The following NOS1 variants were observed in gnomAD, a reference collection of about 807,000 sequenced individuals.
NOS1 encodes nitric oxide synthase 1.
In NOS1, 51 loss-of-function variants were observed where a neutral mutation model predicts 164.5. That is an observed-to-expected ratio of 0.31 (90% CI 0.25 to 0.39). The LOEUF (loss-of-function observed/expected upper bound fraction) is 0.39. NOS1 is among the 10% of genes least tolerant of loss of function. The pLI is 1.00. For synonymous variants in NOS1, 719 were observed against 745.8 expected (o/e 0.96, Z 0.59); for missense variants, 1,362 against 1,885.6 (o/e 0.72, Z 5.14).
chr12:117,283,514 G>A (rs1252193255), intron 7 of NOS1, among the ~76,000 whole-genome samples: 1 of 152,276 alleles, frequency 6.6e-6, no homozygotes, highest in Non-Finnish European at 1.5e-5. Context: ...GTGCACTGCT[G>A]GGACTGGGGT....
At chr12:117,242,543 C>T (rs766134677) in intron 20 of NOS1, 84 bp downstream of exon 20, 29 of 1,106,962 alleles carry the variant, frequency 2.6e-5, no homozygotes, top group Non-Finnish European at 3.3e-5. Context: ...ACAGCCAGTC[C>T]TTGGAGTCCA....
chr12:117,252,360 A>C (rs565320075), intron 17 of NOS1, among the ~76,000 whole-genome samples: 59 of 152,296 alleles, frequency 3.9e-4, no homozygotes, highest in Non-Finnish European at 8.8e-5. Flanking sequence ...GGTTGTAAAA[A>C]ATATGCAGTG....
chr12:117,301,312 G>A lies in NOS1; in HGVS notation c.852+10154C>T, dbSNP rs1375889601. ...CTGGCTAATATTTTTTGTATTTTTA[G>A]TAGAAACGGTTTCACCATGTTGGCC... On this transcript the variant is annotated intron_variant, in intron 3 of 28. Transcript: ENST00000317775. Among the ~76,000 whole-genome samples, 5 of 147,214 alleles carry A rather than the reference G, an allele frequency of 3.4e-5. No individual in the cohort carries two copies. The Admixed American group carries it at 3.5e-4, about 10-fold the overall frequency.
intron 24 of NOS1, 74 bp downstream of exon 24, chr12:117,226,609 T>C (rs1003294122): frequency 7.4e-7 from 1 of 1,354,698 alleles, no homozygotes; most frequent in African/African-American, 1.4e-5. Flanking sequence ...TTCAGACTGG[T>C]CCACCTACCC....
At chr12:117,250,226 TG>T (rs1249131506) in intron 17 of NOS1, among the ~76,000 whole-genome samples, 1 of 152,198 alleles carries the variant, frequency 6.6e-6, no homozygotes, top group African/African-American at 2.4e-5. Context: ...ACACTCATAT[TG>T]TAACATTTCA....
rs376014944 is a variant in NOS1, at chr12:117,234,743, G to T, written c.3057C>A (p.Phe1019Leu). The T allele has an allele frequency of 1.2e-6, 2 of 1,611,210 alleles. No individual in the cohort carries two copies. Among genetic ancestry groups the T allele is most frequent in the Non-Finnish European group, 1.7e-6 (2 of 1,177,832 alleles). The change falls in exon 21 of 29, where the codon TTC (phenylalanine) becomes TTA (leucine). Residue 1019 changes from phenylalanine (F) to leucine (L), a missense_variant. Around this residue, in one of 4 missense-constraint regions of NOS1, gnomAD observed 737 missense variants for 1,030.3 expected, o/e 0.72. Coordinates refer to ENST00000317775, the MANE Select transcript of NOS1 (RefSeq NM_000620.5). The surrounding 1 kb of genome is among the most constrained non-coding windows in gnomAD (Gnocchi z 4.3). ...QSPKSSRSTI[F>L]VRLHTNGSQE... ...GGCTCCCGTTGGTGTGGAGACGCAC[G>T]AAGATAGTTGACCGACTGCAGGAAA...
At chr12:117,287,255 T>C (rs145978941) in intron 5 of NOS1, among the ~76,000 whole-genome samples, 1 of 152,298 alleles carries the variant, frequency 6.6e-6, no homozygotes, top group East Asian at 1.9e-4. Flanking sequence ...AATGGTGCTA[T>C]ACTGGATGTA....
chr12:117,284,026 C>G (rs565275805), intron 7 of NOS1, among the ~76,000 whole-genome samples: 1 of 152,258 alleles, frequency 6.6e-6, no homozygotes, highest in Non-Finnish European at 1.5e-5. Context: ...ACCAATTCCT[C>G]ATGCAGGCCC....
chr12:117,240,753 G>A (rs1470174259), intron 20 of NOS1, among the ~76,000 whole-genome samples: 1 of 152,164 alleles, frequency 6.6e-6, no homozygotes, highest in Non-Finnish European at 1.5e-5. Flanking sequence ...CCATTCTGTA[G>A]GTAAGGAGAC....
Position 117,211,217 on chromosome 12 carries a change from C to T in NOS1, c.*4092G>A, listed in dbSNP as rs890634655. 2 of 982,972 alleles carry T rather than the reference C, an allele frequency of 2.0e-6. No individual in the cohort carries two copies. Among genetic ancestry groups the T allele is most frequent in the Non-Finnish European group, 2.4e-6 (2 of 827,804 alleles). 60.9% of individuals were successfully genotyped at this position (982,972 alleles called of 1,614,324 possible). A position where few individuals can be genotyped will look rare whatever the true frequency, so the allele number is the denominator to read the frequency against. On this transcript the variant is annotated 3_prime_UTR_variant, in exon 29 of 29. Transcript: ENST00000317775. ...AACTGATACACCCACCTCGGCCTCC[C>T]AAAGTGCTGGGATTACAGACATGAG...
intron 3 of NOS1, among the ~76,000 whole-genome samples, chr12:117,301,373 C>A (rs973032027): frequency 2.6e-5 from 4 of 152,190 alleles, no homozygotes; most frequent in African/African-American, 7.2e-5. Flanking sequence ...AAGTGTTCCA[C>A]CTGCCTCTGC....
intron 17 of NOS1, among the ~76,000 whole-genome samples, chr12:117,247,944 T>TAAAA (rs534303027): frequency 6.4e-4 from 76 of 118,170 alleles, no homozygotes; most frequent in African/African-American, 2.1e-3. Flanking sequence ...AGACTCCGTC[T>TAAAA]AAAAAAAAAA....
chr12:117,280,594 C>CA, intron 8 of NOS1, 131 bp downstream of exon 8: 1 of 917,356 alleles, frequency 1.1e-6, no homozygotes, highest in Admixed American at 2.4e-5. Context: ...GATGGAGAAG[C>CA]AGGTTTGGAG....
chr12:117,268,261 C>T (rs34287548), intron 10 of NOS1, 117 bp from the exon 11 acceptor site: 84,811 of 703,200 alleles, frequency 0.12, 6,272 homozygotes, highest in African/African-American at 0.28. Context: ...AATGGACTCT[C>T]GCTCTGTCGC....
At chr12:117,307,244 G>A (rs1336302319) in intron 3 of NOS1, among the ~76,000 whole-genome samples, 2 of 152,156 alleles carry the variant, frequency 1.3e-5, no homozygotes, top group Admixed American at 6.5e-5. Flanking sequence ...GGTGGTAGGG[G>A]GTAAGCTAAA....
chr12:117,243,905 C>T lies in NOS1; in HGVS notation c.2824-470G>A, dbSNP rs1382591871. Among the ~76,000 whole-genome samples the T allele has an allele frequency of 1.3e-5, 2 of 152,148 alleles. No individual in the cohort carries two copies. Among genetic ancestry groups the T allele is most frequent in the African/African-American group, 4.8e-5 (2 of 41,444 alleles). ...CCATCTATCTTTCCATGCAGGCATG[C>T]ATCCATCCATTCATCTATCCATCCA... is the stretch of plus-strand genomic sequence containing the variant. On this transcript the variant is annotated intron_variant, in intron 18 of 28. Transcript: ENST00000317775. The surrounding 1 kb of genome is among the most constrained non-coding windows in gnomAD (Gnocchi z 4.3).
At chr12:117,310,906 C>T (rs1015358419) in intron 3 of NOS1, among the ~76,000 whole-genome samples, 6 of 152,092 alleles carry the variant, frequency 3.9e-5, no homozygotes, top group Non-Finnish European at 8.8e-5. Flanking sequence ...TGCACTGTCA[C>T]CCAGGCTGGA....
At chr12:117,313,117 C>T (rs1874513212) in intron 2 of NOS1, among the ~76,000 whole-genome samples, 1 of 152,116 alleles carries the variant, frequency 6.6e-6, no homozygotes, top group African/African-American at 2.4e-5. Context: ...GCAGCATCAC[C>T]ATTGTCACCA....
In NOS1 at chr12:117,243,111, G is replaced by A. The variant is rs906276580; in HGVS notation, c.2962+186C>T. Among the ~76,000 whole-genome samples, 4 of 151,940 alleles carry A rather than the reference G, an allele frequency of 2.6e-5. No individual in the cohort carries two copies. The highest frequency in any genetic ancestry group is 5.9e-5 in the Non-Finnish European group (4 of 67,988). ...ACAGTACATTACTAGAGAGAGAGAGGGAAACATTTACCAGCACTTGTTTTA... is the reference window on the plus strand; with the variant it reads ...ACAGTACATTACTAGAGAGAGAGAGAGAAACATTTACCAGCACTTGTTTTA... On this transcript the variant is annotated intron_variant, in intron 19 of 28. Coordinates refer to ENST00000317775, the MANE Select transcript of NOS1 (RefSeq NM_000620.5). The surrounding 1 kb of genome is among the most constrained non-coding windows in gnomAD (Gnocchi z 4.3).
Sources: gnomAD v4.1 joint callset for allele counts (sites outside exome capture counted in the v4.1 genomes callset) on GRCh38, gnomAD v4.1.1 for gene constraint, gnomAD v4.1.1 regional missense constraint, Gnocchi (gnomAD v3.1) non-coding constraint, MANE v1.5 for transcripts, NCBI Gene and HGNC (gene_info 2026-07-23, HGNC 2026-07-21) for gene names.